NEDD4L: variants seen among roughly 807,000 people sequenced by gnomAD.
NEDD4L encodes NEDD4 like E3 ubiquitin protein ligase.
NEDD4L carries 54 observed loss-of-function variants against 148.9 expected under a neutral mutation model. The observed-to-expected ratio is 0.36, with a 90% CI of 0.29 to 0.45. The LOEUF (loss-of-function observed/expected upper bound fraction) is 0.45, where lower values mean the gene tolerates loss of function less well. Ranked by LOEUF, NEDD4L falls within the 20% of genes least tolerant of loss-of-function variation. The pLI is 1.00. For missense variants in NEDD4L, 856 were observed against 1,233.8 expected (o/e 0.69, Z 4.59); for synonymous variants, 433 against 440.7 (o/e 0.98, Z 0.22).
intron 1 of NEDD4L, chr18:58,044,964 T>C: frequency 2.2e-6 from 1 of 450,158 alleles, no homozygotes; most frequent in Non-Finnish European, 4.0e-6. Flanking sequence ...CCGCAGCTCC[T>C]CGCTTTCGGG....
At chr18:58,284,627 A>C (rs1009592436) in intron 5 of NEDD4L, among the ~76,000 whole-genome samples, 2 of 152,194 alleles carry the variant, frequency 1.3e-5, no homozygotes, top group Non-Finnish European at 2.9e-5. Context: ...CTTATGGGCA[A>C]GCTGATTTTA....
At chr18:58,312,719 TC>T (rs1179765285) in intron 5 of NEDD4L, among the ~76,000 whole-genome samples, 1 of 152,182 alleles carries the variant, frequency 6.6e-6, no homozygotes, top group Non-Finnish European at 1.5e-5. Flanking sequence ...TTGCCCTGTC[TC>T]CCAGACTGGA....
intron 2 of NEDD4L, among the ~76,000 whole-genome samples, chr18:58,201,792 T>A (rs2041444950): frequency 6.6e-6 from 1 of 152,232 alleles, no homozygotes; most frequent in African/African-American, 2.4e-5. Flanking sequence ...AAGCAGCACA[T>A]GGTACATACT....
intron 13 of NEDD4L, among the ~76,000 whole-genome samples, chr18:58,337,777 G>A (rs183939016): frequency 1.1e-3 from 160 of 152,210 alleles, no homozygotes; most frequent in African/African-American, 3.7e-3. Context: ...TGAAGTAACC[G>A]TCCTGATATA....
At chr18:58,089,335 A>G (rs1227336159) in intron 1 of NEDD4L, among the ~76,000 whole-genome samples, 1 of 152,080 alleles carries the variant, frequency 6.6e-6, no homozygotes, top group African/African-American at 2.4e-5. Flanking sequence ...GGCTTTCACC[A>G]TATTGGCCAG....
intron 1 of NEDD4L, among the ~76,000 whole-genome samples, chr18:58,109,319 A>G (rs1219401383): frequency 3.9e-5 from 6 of 152,220 alleles, no homozygotes; most frequent in Non-Finnish European, 7.3e-5. Flanking sequence ...CAGTTTCTGA[A>G]TTTTTGCCCC....
chr18:58,139,136 A>G (rs147737792), intron 1 of NEDD4L, among the ~76,000 whole-genome samples: 2 of 152,382 alleles, frequency 1.3e-5, no homozygotes, highest in East Asian at 1.9e-4. Flanking sequence ...TGGCCATTTA[A>G]CAATACAGAT....
intron 5 of NEDD4L, among the ~76,000 whole-genome samples, chr18:58,306,303 T>C (rs762048124): frequency 6.6e-6 from 1 of 150,664 alleles, no homozygotes; most frequent in Non-Finnish European, 1.5e-5. Flanking sequence ...ATGAGGGGGG[T>C]GAAGTAAAAG....
At chr18:58,395,226 A>AC (rs1357087358) in intron 30 of NEDD4L, among the ~76,000 whole-genome samples, 5 of 151,756 alleles carry the variant, frequency 3.3e-5, no homozygotes, top group Non-Finnish European at 5.9e-5. Context: ...ATCAGCAATC[A>AC]CCCCCCAACA....
intron 1 of NEDD4L, among the ~76,000 whole-genome samples, chr18:58,148,791 C>T (rs2034377186): frequency 6.6e-6 from 1 of 152,192 alleles, no homozygotes; most frequent in African/African-American, 2.4e-5. Context: ...ACACTTCTAC[C>T]CATAACACCA....
At chr18:58,201,019 T>C (rs1198764965) in intron 2 of NEDD4L, among the ~76,000 whole-genome samples, 2 of 152,164 alleles carry the variant, frequency 1.3e-5, no homozygotes, top group Non-Finnish European at 2.9e-5. Context: ...TCTTGCTCAG[T>C]GTGTGTATGT....
In NEDD4L at chr18:58,387,433, T is replaced by C; in HGVS notation, c.2488-6T>C. 1.3e-6 allele frequency: 2 copies of C among 1,536,308 alleles called. No individual in the cohort carries two copies. Among genetic ancestry groups the C allele is most frequent in the African/African-American group, 1.4e-5 (1 of 71,636 alleles). Reference sequence around the variant, plus strand: ...GTGTTTAAGATGTTTTTTTTTTTTCTTTCAGGGATTCACAGAACTACTTCC... The same window carrying C: ...GTGTTTAAGATGTTTTTTTTTTTTCCTTCAGGGATTCACAGAACTACTTCC... On this transcript the variant is annotated splice_region_variant and splice_polypyrimidine_tract_variant and intron_variant, in intron 26 of 30. Coordinates refer to ENST00000400345, the MANE Select transcript of NEDD4L (RefSeq NM_001144967.3).
intron 10 of NEDD4L, among the ~76,000 whole-genome samples, 194 bp downstream of exon 10, chr18:58,329,321 T>C (rs2144636553): frequency 6.6e-6 from 1 of 152,192 alleles, no homozygotes; most frequent in East Asian, 1.9e-4. Flanking sequence ...CAAGTATAGG[T>C]GGCTCTATAT....
intron 1 of NEDD4L, among the ~76,000 whole-genome samples, chr18:58,121,081 A>G (rs1221914040): frequency 6.6e-6 from 1 of 152,208 alleles, no homozygotes; most frequent in Non-Finnish European, 1.5e-5. Context: ...CAGCAATGTG[A>G]TCTAAGTAAA....
chr18:58,140,539 T>G (rs1264140907), intron 1 of NEDD4L, among the ~76,000 whole-genome samples: 1 of 152,096 alleles, frequency 6.6e-6, no homozygotes, highest in Non-Finnish European at 1.5e-5. Context: ...AGGAAATACA[T>G]AGTGTGTCCC....
At chr18:58,177,996 AAGT>A (rs2038377200) in intron 2 of NEDD4L, among the ~76,000 whole-genome samples, 1 of 152,196 alleles carries the variant, frequency 6.6e-6, no homozygotes, top group East Asian at 1.9e-4. Context: ...GCCAGATACT[AAGT>A]AGTTGAGGCT....
intron 1 of NEDD4L, among the ~76,000 whole-genome samples, chr18:58,057,297 A>G (rs184466822): frequency 6.6e-6 from 1 of 150,896 alleles, no homozygotes; most frequent in Non-Finnish European, 1.5e-5. Context: ...TAAATAGGCT[A>G]TGTCTCTCAA....
intron 11 of NEDD4L, among the ~76,000 whole-genome samples, chr18:58,333,597 T>C (rs1041400880): frequency 1.3e-5 from 2 of 152,212 alleles, no homozygotes; most frequent in African/African-American, 4.8e-5. Context: ...TTGCCACTAA[T>C]TCTAAGGACC....
chr18:58,381,757 A>G (rs767187117), intron 24 of NEDD4L, among the ~76,000 whole-genome samples: 2 of 152,190 alleles, frequency 1.3e-5, no homozygotes, highest in African/African-American at 2.4e-5. Flanking sequence ...AACAAAAGGT[A>G]TGGATGAGCA....
Sources: gnomAD v4.1 joint callset for allele counts (sites outside exome capture counted in the v4.1 genomes callset) on GRCh38, gnomAD v4.1.1 for gene constraint, MANE v1.5 for transcripts, NCBI Gene and HGNC (gene_info 2026-07-23, HGNC 2026-07-21) for gene names.